MATN2: variants seen among roughly 807,000 people sequenced by gnomAD.
MATN2 encodes matrilin-2.
A neutral mutation model predicts 103.2 loss-of-function variants in MATN2; 69 were observed. That is an observed-to-expected ratio of 0.67 (90% CI 0.55 to 0.82). MATN2 has a LOEUF of 0.82. Ranked by LOEUF, MATN2 falls within the 40% of genes least tolerant of loss-of-function variation. The pLI, the probability that MATN2 is intolerant of heterozygous loss-of-function variation, is 0.00. For missense variants in MATN2, 1,023 were observed against 1,211.5 expected (o/e 0.84, Z 2.31); for synonymous variants, 429 against 450.2 (o/e 0.95, Z 0.60).
intron 2 of MATN2, among the ~76,000 whole-genome samples, chr8:97,923,309 T>C (rs1809876270): frequency 6.6e-6 from 1 of 152,190 alleles, no homozygotes; most frequent in East Asian, 1.9e-4. Flanking sequence ...TTTTTAATCA[T>C]GCTTCATAGT....
At chr8:97,917,161 A>G (rs1286034964) in intron 2 of MATN2, among the ~76,000 whole-genome samples, 2 of 152,122 alleles carry the variant, frequency 1.3e-5, no homozygotes, top group Admixed American at 1.3e-4. Flanking sequence ...TCATAAAACA[A>G]CAACAAAATC....
At chr8:98,022,830 G>A (rs1410402624) in intron 13 of MATN2, among the ~76,000 whole-genome samples, 1 of 152,210 alleles carries the variant, frequency 6.6e-6, no homozygotes, top group Non-Finnish European at 1.5e-5. Context: ...GCTAACGCCT[G>A]TAATCCCAGC....
intron 1 of MATN2, among the ~76,000 whole-genome samples, chr8:97,871,889 C>A (rs1047275985): frequency 6.6e-6 from 1 of 152,180 alleles, no homozygotes; most frequent in Non-Finnish European, 1.5e-5. Context: ...GGGTACAACC[C>A]AAAGCACACT....
chr8:97,892,757 C>A (rs1818674660), intron 2 of MATN2, among the ~76,000 whole-genome samples: 1 of 152,184 alleles, frequency 6.6e-6, no homozygotes, highest in Non-Finnish European at 1.5e-5. Context: ...GTATGAAAGG[C>A]AAACATTCAT....
chr8:97,995,921 A>G (rs1812569089), intron 7 of MATN2, among the ~76,000 whole-genome samples: 1 of 152,170 alleles, frequency 6.6e-6, no homozygotes, highest in African/African-American at 2.4e-5. Flanking sequence ...TAGATAAGCT[A>G]TTTTTCATAA....
chr8:97,997,930 T>C (rs532561517), intron 7 of MATN2, among the ~76,000 whole-genome samples: 1 of 150,800 alleles, frequency 6.6e-6, no homozygotes, highest in African/African-American at 2.4e-5. Context: ...GGTGATTGTC[T>C]CACTTCGGCC....
chr8:97,993,922 A>G (rs941185150), intron 6 of MATN2, among the ~76,000 whole-genome samples: 3 of 152,112 alleles, frequency 2.0e-5, no homozygotes, highest in Non-Finnish European at 4.4e-5. Context: ...ATGAATCAAG[A>G]CAAGGAAAGC....
intron 2 of MATN2, among the ~76,000 whole-genome samples, chr8:97,910,863 C>T (rs766434576): frequency 4.6e-5 from 7 of 152,214 alleles, no homozygotes; most frequent in East Asian, 3.9e-4. Context: ...TGAGTTAGTG[C>T]GTGTACAACA....
At chr8:97,929,253 T>G (rs2444902) in intron 2 of MATN2, among the ~76,000 whole-genome samples, 95 of 152,340 alleles carry the variant, frequency 6.2e-4, no homozygotes, top group African/African-American at 2.1e-3. Context: ...GATGACTTCA[T>G]GGGCCTTTCC....
At chr8:97,989,138 G>A (rs1254145882) in intron 6 of MATN2, among the ~76,000 whole-genome samples, 1 of 152,160 alleles carries the variant, frequency 6.6e-6, no homozygotes, top group Non-Finnish European at 1.5e-5. Context: ...GATAAGATCT[G>A]ACATTCATTT....
intron 13 of MATN2, among the ~76,000 whole-genome samples, chr8:98,024,279 C>T (rs139655149): frequency 0.036 from 5,497 of 152,156 alleles, 331 homozygotes; most frequent in African/African-American, 0.12. Flanking sequence ...CCGAAGCGGG[C>T]GGATCACCTG....
intron 5 of MATN2, among the ~76,000 whole-genome samples, chr8:97,968,250 C>T (rs1811546130): frequency 6.6e-6 from 1 of 152,210 alleles, no homozygotes; most frequent in South Asian, 2.1e-4. Context: ...GGAGTGGGTG[C>T]TGCCTAGAAG....
At chr8:98,020,398 G>A (rs1045283164) in intron 12 of MATN2, among the ~76,000 whole-genome samples, 6 of 152,086 alleles carry the variant, frequency 3.9e-5, no homozygotes, top group Admixed American at 2.0e-4. Flanking sequence ...TGCCTGCCTC[G>A]GCCTCCCAAA....
intron 15 of MATN2, 68 bp from the exon 16 acceptor site, chr8:98,032,178 G>C: frequency 7.6e-7 from 1 of 1,322,454 alleles, no homozygotes; most frequent in Non-Finnish European, 1.1e-6. Context: ...TCTGGGACCA[G>C]CTTCCTGAAG....
At chr8:97,900,516 T>C (rs1402494042) in intron 2 of MATN2, among the ~76,000 whole-genome samples, 5 of 152,202 alleles carry the variant, frequency 3.3e-5, no homozygotes, top group Non-Finnish European at 5.9e-5. Flanking sequence ...AGGAATTTCT[T>C]CCAGGAGGGC....
chr8:97,895,951 G>A (rs1453619138), intron 2 of MATN2, among the ~76,000 whole-genome samples: 2 of 152,188 alleles, frequency 1.3e-5, no homozygotes, highest in Non-Finnish European at 2.9e-5. Context: ...GATATGCGTT[G>A]GAGCAAAGAG....
chr8:98,008,998 G>C (rs1344476947), intron 10 of MATN2, among the ~76,000 whole-genome samples: 14 of 152,170 alleles, frequency 9.2e-5, no homozygotes, highest in African/African-American at 3.1e-4. Flanking sequence ...CCACTTTTAA[G>C]TGTTGCCCAT....
intron 6 of MATN2, among the ~76,000 whole-genome samples, chr8:97,988,030 T>C (rs1324182358): frequency 6.7e-6 from 1 of 149,432 alleles, no homozygotes; most frequent in East Asian, 2.0e-4. Context: ...CTTTGAAGCA[T>C]AATACAGGCC....
At chr8:97,900,935 C>T (rs1041167622) in intron 2 of MATN2, among the ~76,000 whole-genome samples, 4 of 151,888 alleles carry the variant, frequency 2.6e-5, no homozygotes, top group East Asian at 1.9e-4. Context: ...ACTCTGTCCC[C>T]GCCCCCCCAA....
Sources: allele counts gnomAD v4.1 joint callset (sites outside exome capture counted in the v4.1 genomes callset), GRCh38; gene constraint gnomAD v4.1.1; transcripts MANE v1.5; gene names NCBI Gene and HGNC (gene_info 2026-07-23, HGNC 2026-07-21).